GPC5: variants seen among roughly 807,000 people sequenced by gnomAD.
GPC5 encodes glypican-5.
A neutral mutation model predicts 53.9 loss-of-function variants in GPC5; 47 were observed. The observed-to-expected ratio is 0.87, with a 90% CI of 0.69 to 1.11. The LOEUF (loss-of-function observed/expected upper bound fraction) is 1.11. Ranked by LOEUF, GPC5 falls within the 50% of genes most tolerant of loss-of-function variation. The pLI is 0.00. For synonymous variants in GPC5, 286 were observed against 263.3 expected (o/e 1.09, Z -0.84); for missense variants, 748 against 713.1 (o/e 1.05, Z -0.56).
chr13:92,579,691 T>C (rs777049630), intron 7 of GPC5, among the ~76,000 whole-genome samples: 2 of 152,136 alleles, frequency 1.3e-5, no homozygotes, highest in Non-Finnish European at 2.9e-5. Flanking sequence ...TGTTATAACA[T>C]GTAACCCTTT....
At chr13:92,549,435 C>G (rs951454297) in intron 7 of GPC5, among the ~76,000 whole-genome samples, 2 of 152,038 alleles carry the variant, frequency 1.3e-5, no homozygotes, top group Non-Finnish European at 2.9e-5. Flanking sequence ...AAATTGGGGC[C>G]TACCTCTTTG....
intron 7 of GPC5, among the ~76,000 whole-genome samples, chr13:92,568,943 A>G (rs1328919755): frequency 6.6e-6 from 1 of 151,766 alleles, no homozygotes; most frequent in African/African-American, 2.4e-5. Context: ...TATTATTATT[A>G]TACTTTAACT....
chr13:91,953,586 T>A (rs1399144745), intron 6 of GPC5, among the ~76,000 whole-genome samples: 2 of 152,218 alleles, frequency 1.3e-5, no homozygotes, highest in Non-Finnish European at 2.9e-5. Context: ...TATAATAGGA[T>A]TGCCCTAGTT....
At chr13:91,734,854 T>C (rs1288419334) in intron 4 of GPC5, among the ~76,000 whole-genome samples, 3 of 150,106 alleles carry the variant, frequency 2.0e-5, no homozygotes, top group Non-Finnish European at 4.4e-5. Context: ...ACTATAGTTT[T>C]TGAAAAATGC....
At chr13:92,320,257 A>G (rs2043207263) in intron 7 of GPC5, among the ~76,000 whole-genome samples, 1 of 152,170 alleles carries the variant, frequency 6.6e-6, no homozygotes, top group Admixed American at 6.6e-5. Context: ...TGAACAATCT[A>G]GGAAACTTAA....
At chr13:92,041,510 C>A (rs925943182) in intron 6 of GPC5, among the ~76,000 whole-genome samples, 7 of 152,076 alleles carry the variant, frequency 4.6e-5, no homozygotes, top group Non-Finnish European at 7.4e-5. Context: ...CAACTTTAAC[C>A]CAGGGGTGTC....
intron 2 of GPC5, among the ~76,000 whole-genome samples, chr13:91,509,883 T>C (rs1828455918): frequency 6.6e-6 from 1 of 152,122 alleles, no homozygotes; most frequent in African/African-American, 2.4e-5. Flanking sequence ...GAATTAATAA[T>C]TTAGTTGTAG....
intron 7 of GPC5, among the ~76,000 whole-genome samples, chr13:92,827,371 C>G (rs1032708613): frequency 1.3e-5 from 2 of 151,970 alleles, no homozygotes; most frequent in Non-Finnish European, 2.9e-5. Flanking sequence ...AGAACTTTCC[C>G]CAAGTGTAGC....
chr13:91,697,175 G>T (rs921218383), intron 3 of GPC5, among the ~76,000 whole-genome samples: 6 of 152,014 alleles, frequency 3.9e-5, no homozygotes, highest in African/African-American at 1.2e-4. Context: ...ATGGAGTCTT[G>T]CTCTGTCACC....
intron 7 of GPC5, among the ~76,000 whole-genome samples, chr13:92,553,748 C>T (rs1326346964): frequency 6.6e-6 from 1 of 151,902 alleles, no homozygotes; most frequent in Non-Finnish European, 1.5e-5. Flanking sequence ...CTTTCAAAAT[C>T]TCTAGTTTCT....
At chr13:92,586,964 GCGCACACACACACA>G (rs892329770) in intron 7 of GPC5, among the ~76,000 whole-genome samples, 1 of 87,810 alleles carries the variant, frequency 1.1e-5, no homozygotes, top group Admixed American at 1.2e-4. Context: ...ACACACACAC[GCGCACACACACACA>G]CGCACACACA....
At chr13:92,123,785 A>C (rs1319073649) in intron 6 of GPC5, among the ~76,000 whole-genome samples, 4 of 152,208 alleles carry the variant, frequency 2.6e-5, no homozygotes, top group Non-Finnish European at 5.9e-5. Flanking sequence ...TTGCCTTTTA[A>C]ATACATACAT....
At chr13:92,839,876 A>T (rs1343897449) in intron 7 of GPC5, among the ~76,000 whole-genome samples, 2 of 151,542 alleles carry the variant, frequency 1.3e-5, no homozygotes, top group Non-Finnish European at 2.9e-5. Context: ...TCCTCTACAT[A>T]TTTATTTCCT....
chr13:92,810,983 G>T (rs921976729), intron 7 of GPC5, among the ~76,000 whole-genome samples: 2 of 151,970 alleles, frequency 1.3e-5, no homozygotes, highest in African/African-American at 4.8e-5. Flanking sequence ...GCCTCCCAAA[G>T]TGCTGGGATT....
chr13:91,541,846 T>TAACAAACAG (rs61326190), intron 2 of GPC5, among the ~76,000 whole-genome samples: 1 of 151,574 alleles, frequency 6.6e-6, no homozygotes, highest in African/African-American at 2.4e-5. Context: ...GCAGTGATCA[T>TAACAAACAG]TCTTATTTCT....
At chr13:92,168,439 T>A (rs549010178) in intron 7 of GPC5, among the ~76,000 whole-genome samples, 17 of 152,246 alleles carry the variant, frequency 1.1e-4, no homozygotes, top group African/African-American at 4.1e-4. Flanking sequence ...CATCTATCTA[T>A]CTGACAAAGT....
At chr13:91,899,943 G>A (rs1043956644) in intron 5 of GPC5, among the ~76,000 whole-genome samples, 10 of 152,076 alleles carry the variant, frequency 6.6e-5, no homozygotes, top group Non-Finnish European at 1.0e-4. Flanking sequence ...TAGGTATGAT[G>A]GCCCTAGGCG....
At chr13:92,091,251 T>G (rs1022788213) in intron 6 of GPC5, among the ~76,000 whole-genome samples, 1 of 152,132 alleles carries the variant, frequency 6.6e-6, no homozygotes, top group African/African-American at 2.4e-5. Flanking sequence ...CTAAAACATT[T>G]GGAATTTTTA....
intron 7 of GPC5, among the ~76,000 whole-genome samples, chr13:92,239,206 G>A (rs547515053): frequency 1.4e-5 from 2 of 148,120 alleles, no homozygotes; most frequent in Non-Finnish European, 3.0e-5. Flanking sequence ...TTGAATTTCT[G>A]TATGACTTTT....
Sources: gnomAD v4.1 joint callset for allele counts (sites outside exome capture counted in the v4.1 genomes callset) on GRCh38, gnomAD v4.1.1 for gene constraint, MANE v1.5 for transcripts, NCBI Gene and HGNC (gene_info 2026-07-23, HGNC 2026-07-21) for gene names.